The following TTLL7 variants were observed in gnomAD, a reference collection of about 807,000 sequenced individuals.
TTLL7 encodes tubulin polyglutamylase TTLL7.
A neutral mutation model predicts 120.2 loss-of-function variants in TTLL7; 53 were observed. That is an observed-to-expected ratio of 0.44 (90% CI 0.35 to 0.55). The LOEUF is 0.55. Among genes scored for constraint, TTLL7 ranks in the 20% least tolerant of loss-of-function variants. The probability of loss-of-function intolerance (pLI) is 0.00; values close to 1 mark genes in which losing one functional copy is unlikely to be tolerated. For synonymous variants in TTLL7, 353 were observed against 351.7 expected (o/e 1.00, Z -0.04); for missense variants, 803 against 1,054.7 (o/e 0.76, Z 3.31).
chr1:83,921,643 G>A (rs916624220), intron 10 of TTLL7, among the ~76,000 whole-genome samples: 1 of 152,156 alleles, frequency 6.6e-6, no homozygotes, highest in African/African-American at 2.4e-5. Flanking sequence ...GAGGATCAGA[G>A]AGACCTAGTT....
At chr1:83,963,197 A>G (rs1490130922) in intron 1 of TTLL7, among the ~76,000 whole-genome samples, 1 of 152,126 alleles carries the variant, frequency 6.6e-6, no homozygotes, top group Non-Finnish European at 1.5e-5. Flanking sequence ...AGAACTAAAC[A>G]ATCATGGGAT....
intron 18 of TTLL7, among the ~76,000 whole-genome samples, chr1:83,897,686 G>T (rs1656358385): frequency 1.3e-5 from 2 of 151,836 alleles, no homozygotes; most frequent in African/African-American, 4.8e-5. Flanking sequence ...GCCAGTCTTT[G>T]TTCTGGGCTC....
At chr1:83,908,784 C>G (rs1468275025) in intron 15 of TTLL7, among the ~76,000 whole-genome samples, 2 of 151,422 alleles carry the variant, frequency 1.3e-5, no homozygotes, top group African/African-American at 4.9e-5. Context: ...GGTTGAATAC[C>G]CAAATATTTC....
At chr1:83,879,133 T>C (rs1390014276) in intron 20 of TTLL7, among the ~76,000 whole-genome samples, 2 of 151,966 alleles carry the variant, frequency 1.3e-5, no homozygotes, top group Non-Finnish European at 2.9e-5. Flanking sequence ...ATAAAATGTG[T>C]CAATCTATTA....
intron 20 of TTLL7, among the ~76,000 whole-genome samples, chr1:83,876,442 C>T (rs1653933337): frequency 1.3e-5 from 2 of 151,780 alleles, no homozygotes; most frequent in African/African-American, 4.8e-5. Context: ...AGTGATAGAA[C>T]AAACTTTGGT....
In TTLL7 at chr1:83,948,629, T is replaced by C. The variant is rs1648739481; in HGVS notation, c.346A>G (p.Lys116Glu). The part of the protein sequence containing the change: ...RKDFLARNMT[K>E]MIKSRPLDYT... ...CCATTACAAGAAAATAAAGATTACT[T>C]GGTCATATTTCTTGCTAAGAAATCC... Residue 116 changes from lysine to glutamate, a missense_variant and splice_region_variant, in exon 5 of 21, where the codon AAA becomes GAA. By Grantham distance (56) the Lys-to-Glu change is moderately conservative. This residue lies in a region of TTLL7 where 324 missense variants were observed against 507.7 expected (regional missense o/e 0.64). Coordinates refer to ENST00000260505, the MANE Select transcript of TTLL7 (RefSeq NM_024686.6). 6.2e-7 allele frequency: 1 copy of C among 1,603,830 alleles called. No homozygotes were observed. The highest frequency in any genetic ancestry group is 8.5e-7 in the Non-Finnish European group (1 of 1,171,436).
intron 1 of TTLL7, among the ~76,000 whole-genome samples, chr1:83,988,509 A>G (rs1457346922): frequency 6.6e-6 from 1 of 152,224 alleles, no homozygotes; most frequent in Non-Finnish European, 1.5e-5. Context: ...CCAGTAGTGT[A>G]TAAGCGTTCT....
intron 1 of TTLL7, chr1:83,980,266 C>T (rs1266722735): frequency 6.6e-6 from 1 of 152,046 alleles, no homozygotes; most frequent in Non-Finnish European, 1.5e-5. Flanking sequence ...GTGCATAAGA[C>T]TGCTGGCTGA....
intron 1 of TTLL7, among the ~76,000 whole-genome samples, chr1:83,995,297 G>C (rs1653381836): frequency 6.6e-6 from 1 of 150,818 alleles, no homozygotes; most frequent in Admixed American, 6.6e-5. Flanking sequence ...ATCTCATGTT[G>C]AATTTTATTC....
chr1:83,977,020 GA>G (rs1651553397), intron 1 of TTLL7, among the ~76,000 whole-genome samples: 3 of 151,268 alleles, frequency 2.0e-5, no homozygotes, highest in Admixed American at 1.3e-4. Context: ...TAATTTTATT[GA>G]AATACCGGGA....
intron 1 of TTLL7, among the ~76,000 whole-genome samples, chr1:83,989,077 T>C (rs752949788): frequency 1.3e-5 from 2 of 152,194 alleles, no homozygotes; most frequent in Non-Finnish European, 2.9e-5. Context: ...TTCTGGATAT[T>C]AGACCTTTGT....
intron 8 of TTLL7, among the ~76,000 whole-genome samples, chr1:83,934,272 T>A (rs1258757524): frequency 1.3e-5 from 2 of 152,160 alleles, no homozygotes; most frequent in African/African-American, 4.8e-5. Flanking sequence ...TGTAAACAAG[T>A]AAAACAAAGC....
At chr1:83,894,371 A>T (rs1037303492) in intron 18 of TTLL7, among the ~76,000 whole-genome samples, 1 of 152,146 alleles carries the variant, frequency 6.6e-6, no homozygotes, top group African/African-American at 2.4e-5. Flanking sequence ...TTATATTATA[A>T]AATGATTATT....
At chr1:83,949,828 TC>T in intron 4 of TTLL7, 36 bp downstream of exon 4, 1 of 1,609,422 alleles carries the variant, frequency 6.2e-7, no homozygotes, top group Non-Finnish European at 8.5e-7. Context: ...CATATAACTT[TC>T]CTCATACCAC....
intron 1 of TTLL7, among the ~76,000 whole-genome samples, chr1:83,964,448 TCA>T (rs1650272189): frequency 6.6e-6 from 1 of 152,226 alleles, no homozygotes; most frequent in East Asian, 1.9e-4. Flanking sequence ...CCTTCCCTTC[TCA>T]CAGAGTAAAC....
chr1:83,870,037 G>C lies in TTLL7; in HGVS notation c.2589C>G (p.Thr863=). Residue 863 remains threonine (T), a synonymous_variant, in exon 21 of 21, where the codon ACC becomes ACG. Transcript: ENST00000260505. ...CAGGTGAATTGTACTTCAAGTTGTA[G>C]GTTGGTGTTCTCAAGAAGAATTGGG... ...GSTQFFLRTP[T]YNLKYNSPGM... The C allele has an allele frequency of 6.3e-7, 1 of 1,585,432 alleles. No individual in the cohort carries two copies. The highest frequency in any genetic ancestry group is 8.5e-7 in the Non-Finnish European group (1 of 1,169,800).
At chr1:83,886,410 G>A (rs1654977945) in intron 19 of TTLL7, among the ~76,000 whole-genome samples, 1 of 151,882 alleles carries the variant, frequency 6.6e-6, no homozygotes, top group Non-Finnish European at 1.5e-5. Context: ...TACCAACACA[G>A]TAATCACCAA....
rs1653594393 is a variant in TTLL7, at chr1:83,873,150, T to G, written c.2544-3068A>C. Among the ~76,000 whole-genome samples, 6 of 152,266 alleles carry G rather than the reference T, an allele frequency of 3.9e-5. No homozygotes were observed. In the South Asian group the frequency reaches 1.0e-3, roughly 26 times the overall value. On this transcript the variant is annotated intron_variant, in intron 20 of 20. Transcript: ENST00000260505. The stretch of plus-strand genomic sequence containing the variant: ...TATTATATATGCCGCAAACCTAAAC[T>G]TTTTCATAGAAGCAGAAAAAGATGA...
At chr1:83,948,759 A>G in intron 4 of TTLL7, 64 bp from the exon 5 acceptor site, 1 of 1,095,462 alleles carries the variant, frequency 9.1e-7, no homozygotes, top group South Asian at 1.5e-5. Flanking sequence ...GTATACGACA[A>G]TACAATTCTA....
Sources: gnomAD v4.1 joint callset for allele counts (sites outside exome capture counted in the v4.1 genomes callset) on GRCh38, gnomAD v4.1.1 for gene constraint, gnomAD v4.1.1 regional missense constraint, MANE v1.5 for transcripts, NCBI Gene and HGNC (gene_info 2026-07-23, HGNC 2026-07-21) for gene names.